The following TAF4 variants were observed in gnomAD, a reference collection of about 807,000 sequenced individuals.
TAF4 encodes TATA-box binding protein associated factor 4.
Under a neutral mutation model 90.3 loss-of-function variants are expected in TAF4, and 9 were observed. The ratio of observed to expected loss-of-function variants is 0.10; its 90% confidence interval spans 0.06 to 0.17. TAF4 has a LOEUF of 0.17. Among genes scored for constraint, TAF4 ranks in the 10% least tolerant of loss-of-function variants. The pLI is 1.00. For synonymous variants in TAF4, 818 were observed against 638.9 expected (o/e 1.28, Z -4.23); for missense variants, 1,351 against 1,370.7 (o/e 0.99, Z 0.23).
At position 61,999,117 on chromosome 20, in the gene TAF4, A is replaced by C; in HGVS notation, c.2788-9T>G. 1 of 1,613,806 alleles carries C rather than the reference A, an allele frequency of 6.2e-7. No individual in the cohort carries two copies. Among genetic ancestry groups the C allele is most frequent in the South Asian group, 1.1e-5 (1 of 91,084 alleles). Reference sequence around the variant, plus strand: ...TCATATCTGTCGTCATCCTATGAAGAAAGTTAAAATACTGCTTGTCATAAA... The same window carrying C: ...TCATATCTGTCGTCATCCTATGAAGCAAGTTAAAATACTGCTTGTCATAAA... On this transcript the variant is annotated splice_polypyrimidine_tract_variant and intron_variant, in intron 11 of 14. Transcript: ENST00000252996.
At chr20:61,989,426 T>C (rs1424676805) in intron 14 of TAF4, among the ~76,000 whole-genome samples, 1 of 151,924 alleles carries the variant, frequency 6.6e-6, no homozygotes, top group Non-Finnish European at 1.5e-5. Flanking sequence ...AGCCTAGAAA[T>C]AATGAGAGTG....
Position 62,003,866 on chromosome 20 carries a change from G to C in TAF4, c.2236C>G (p.Pro746Ala), listed in dbSNP as rs756079365. 1 of 1,574,276 alleles carries C rather than the reference G, an allele frequency of 6.4e-7. No homozygotes were observed. Among genetic ancestry groups the C allele is most frequent in the South Asian group, 1.2e-5 (1 of 86,618 alleles). ...GQPTPLVIQQ[P>A]PKPGALIRPP... Reference sequence around the variant, plus strand: ...CGGATCAGGGCTCCTGGCTTCGGAGGCTGCTGGATGACCTGAGGCAGAGCC... The same window carrying C: ...CGGATCAGGGCTCCTGGCTTCGGAGCCTGCTGGATGACCTGAGGCAGAGCC... Residue 746 changes from proline to alanine, a missense_variant, in exon 8 of 15, where the codon CCT becomes GCT. Around this residue, in one of 9 missense-constraint regions of TAF4, gnomAD observed 202 missense variants for 229.7 expected, o/e 0.88. Transcript: ENST00000252996.
rs766440959 is a variant in TAF4, at chr20:62,006,551, T to C, written c.2182A>G (p.Thr728Ala). The C allele has an allele frequency of 6.4e-7, 1 of 1,571,640 alleles. No individual in the cohort carries two copies. Among genetic ancestry groups the C allele is most frequent in the Non-Finnish European group, 8.6e-7 (1 of 1,161,702 alleles). The stretch of plus-strand genomic sequence containing the variant: ...CCCTGCTTGCCGACGCCGACCTGCG[T>C]GGGCTGCGTGAGGCTGAGCACAGGG... ...QPPVLSLTQP[T>A]QVGVGKQGQP... is the part of the protein sequence containing the mutation. The change falls in exon 7 of 15, where the codon ACG (threonine) becomes GCG (alanine). Residue 728 changes from threonine (T) to alanine (A), a missense_variant. Around this residue, in one of 9 missense-constraint regions of TAF4, gnomAD observed 202 missense variants for 229.7 expected, o/e 0.88. Transcript: ENST00000252996. This position sits in a 1 kb window ranked among gnomAD's most constrained non-coding sequence, Gnocchi z 7.0.
At chr20:62,013,957 G>A (rs569638976) in intron 2 of TAF4, among the ~76,000 whole-genome samples, 57 of 142,224 alleles carry the variant, frequency 4.0e-4, no homozygotes, top group Non-Finnish European at 3.8e-4. Flanking sequence ...GTGTGAATCC[G>A]TGCTCCCTAC....
At chr20:62,014,516 G>A (rs754660166) in intron 2 of TAF4, 31 bp downstream of exon 2, 3 of 1,571,806 alleles carry the variant, frequency 1.9e-6, no homozygotes, top group South Asian at 1.2e-5. Flanking sequence ...GCAGGGAAGG[G>A]GTTCGCACTC....
intron 8 of TAF4, among the ~76,000 whole-genome samples, chr20:62,003,487 T>C (rs934706047): frequency 6.6e-6 from 1 of 152,220 alleles, no homozygotes; most frequent in African/African-American, 2.4e-5. Flanking sequence ...TCAAGGTTTT[T>C]AAAGTGCAGG....
intron 1 of TAF4, among the ~76,000 whole-genome samples, chr20:62,034,471 GCAC>G (rs1358114088): frequency 6.6e-6 from 1 of 151,400 alleles, no homozygotes; most frequent in African/African-American, 2.4e-5. Context: ...CTACAGGCAT[GCAC>G]CACCACACCT....
chr20:62,000,114 A>G lies in TAF4; in HGVS notation c.2787+10T>C, dbSNP rs750340844. Reference sequence around the variant, plus strand: ...CATAAAGACGCTCTCCTCGGCAAACAGCCTGTTACCTTGTAAGAAAAGTTC... The same window carrying G: ...CATAAAGACGCTCTCCTCGGCAAACGGCCTGTTACCTTGTAAGAAAAGTTC... On this transcript the variant is annotated intron_variant, in intron 11 of 14. Transcript: ENST00000252996. The G allele has an allele frequency of 2.9e-5, 47 of 1,614,236 alleles. No homozygotes were observed. The highest frequency in any genetic ancestry group is 3.7e-5 in the Non-Finnish European group (44 of 1,180,036).
chr20:62,019,542 G>A (rs1290196887), intron 1 of TAF4, among the ~76,000 whole-genome samples: 2 of 152,240 alleles, frequency 1.3e-5, no homozygotes, highest in Non-Finnish European at 2.9e-5. Context: ...AGGCCACACT[G>A]CTTGAGGCGG....
At chr20:62,040,002 C>A (rs899684164) in intron 1 of TAF4, among the ~76,000 whole-genome samples, 1 of 152,184 alleles carries the variant, frequency 6.6e-6, no homozygotes, top group Admixed American at 6.5e-5. Context: ...ACCAGCTTTC[C>A]GCAAGGATGT....
intron 13 of TAF4, 69 bp from the exon 14 acceptor site, chr20:61,997,738 C>T (rs765026683): frequency 6.7e-7 from 1 of 1,501,320 alleles, no homozygotes; most frequent in East Asian, 2.4e-5. Flanking sequence ...AAAAGTAATA[C>T]ATAGATATGA....
intron 1 of TAF4, among the ~76,000 whole-genome samples, chr20:62,059,054 G>A (rs949597531): frequency 2.3e-4 from 35 of 152,142 alleles, no homozygotes; most frequent in African/African-American, 7.5e-4. Context: ...CCCCACATGC[G>A]GCTCCCAACA....
chr20:62,065,853 C>A lies in TAF4; in HGVS notation c.-43G>T. ...CGCCGCCGCCGCCGCTCGGGCCGAG[C>A]GCGCCTGGGCGAGGAGGAGGTTCCG... On this transcript the variant is annotated 5_prime_UTR_variant, in exon 1 of 15. Coordinates refer to ENST00000252996, the MANE Select transcript of TAF4 (RefSeq NM_003185.4). 2 of 1,210,600 alleles carry A rather than the reference C, an allele frequency of 1.7e-6. No homozygotes were observed. Among genetic ancestry groups the A allele is most frequent in the Non-Finnish European group, 1.1e-6 (1 of 951,344 alleles). 75.0% of individuals were successfully genotyped at this position (1,210,600 alleles called of 1,614,324 possible). A position where few individuals can be genotyped will look rare whatever the true frequency, so the allele number is the denominator to read the frequency against.
intron 14 of TAF4, among the ~76,000 whole-genome samples, chr20:61,984,362 A>G (rs1293384562): frequency 6.6e-6 from 1 of 152,234 alleles, no homozygotes; most frequent in Non-Finnish European, 1.5e-5. Context: ...CACACGCACC[A>G]ACCCCTCAAT....
chr20:62,056,630 A>C (rs2056065815), intron 1 of TAF4, among the ~76,000 whole-genome samples: 1 of 152,160 alleles, frequency 6.6e-6, no homozygotes, highest in Admixed American at 6.6e-5. Context: ...GGACAAGGCA[A>C]AGCACAGACT....
intron 1 of TAF4, among the ~76,000 whole-genome samples, chr20:62,029,438 C>G (rs980356256): frequency 6.6e-6 from 1 of 152,142 alleles, no homozygotes; most frequent in African/African-American, 2.4e-5. Flanking sequence ...CGAAGGGAGC[C>G]CTGCTAGCTC....
intron 13 of TAF4, among the ~76,000 whole-genome samples, 166 bp from the exon 14 acceptor site, chr20:61,997,835 AG>A (rs1427375847): frequency 6.6e-6 from 1 of 152,318 alleles, no homozygotes; most frequent in South Asian, 2.1e-4. Flanking sequence ...CCAAAAAATA[AG>A]ATTTTTTTTA....
In TAF4 at chr20:62,065,730, G is replaced by T; in HGVS notation, c.81C>A (p.Gly27=). Residue 27 remains glycine, a synonymous_variant, in exon 1 of 15, where the codon GGC becomes GGA. Transcript: ENST00000252996. Reference sequence around the variant, plus strand: ...TGGCCGCCAGCTGCGACTCCAGCGAGCCCACCAGGTCGCTCACCACTTTCT... The same window carrying T: ...TGGCCGCCAGCTGCGACTCCAGCGATCCCACCAGGTCGCTCACCACTTTCT... ...VDEKVVSDLV[G]SLESQLAASA... is the part of the protein sequence containing the mutation. The T allele has an allele frequency of 7.6e-7, 1 of 1,323,586 alleles. No individual in the cohort carries two copies. Among genetic ancestry groups the T allele is most frequent in the Non-Finnish European group, 9.8e-7 (1 of 1,018,794 alleles). 82.0% of individuals were successfully genotyped at this position (1,323,586 alleles called of 1,614,324 possible).
At chr20:62,002,155 A>AC (rs888276515) in intron 9 of TAF4, among the ~76,000 whole-genome samples, 18 of 152,006 alleles carry the variant, frequency 1.2e-4, no homozygotes, top group African/African-American at 4.3e-4. Flanking sequence ...TAATTCTTTC[A>AC]CCCGTGTATG....
Sources: gnomAD v4.1 joint callset for allele counts (sites outside exome capture counted in the v4.1 genomes callset) on GRCh38, gnomAD v4.1.1 for gene constraint, gnomAD v4.1.1 regional missense constraint, Gnocchi (gnomAD v3.1) non-coding constraint, MANE v1.5 for transcripts, NCBI Gene and HGNC (gene_info 2026-07-23, HGNC 2026-07-21) for gene names.